Variants in HAUS6 observed in about 807,000 individuals in gnomAD.
The protein encoded by HAUS6 is HAUS augmin-like complex subunit 6.
In HAUS6, 80 loss-of-function variants were observed where a neutral mutation model predicts 106.8. The ratio of observed to expected loss-of-function variants is 0.75; its 90% confidence interval spans 0.63 to 0.90. HAUS6 has a LOEUF of 0.90. HAUS6 is among the 40% of genes least tolerant of loss of function. The pLI is 0.00. For missense variants in HAUS6, 1,155 were observed against 1,118.1 expected, an observed-to-expected ratio of 1.03 and a Z score of -0.47; for synonymous variants, 356 against 379.1, an observed-to-expected ratio of 0.94 and a Z score of 0.71.
At chr9:19,088,141 A>G (rs1002248010) in intron 5 of HAUS6, among the ~76,000 whole-genome samples, 4 of 152,202 alleles carry the variant, frequency 2.6e-5, no homozygotes, top group African/African-American at 9.6e-5. Context: ...CTGGTAGGGT[A>G]CAGTGGCTCA....
chr9:19,097,369 C>T (rs1057102869), intron 1 of HAUS6, among the ~76,000 whole-genome samples: 6 of 152,056 alleles, frequency 3.9e-5, no homozygotes, highest in Non-Finnish European at 8.8e-5. Context: ...GGGCTAATAT[C>T]CAGAATCTAA....
At chr9:19,060,276 T>C (rs1271560562) in intron 14 of HAUS6, 53 bp from the exon 15 acceptor site, 10 of 1,403,736 alleles carry the variant, frequency 7.1e-6, no homozygotes, top group African/African-American at 2.9e-5. Context: ...ATTGGTAGAA[T>C]GCAACAAAAC....
At chr9:19,087,603 C>A (rs937157016) in intron 5 of HAUS6, among the ~76,000 whole-genome samples, 1 of 152,158 alleles carries the variant, frequency 6.6e-6, no homozygotes, top group South Asian at 2.1e-4. Context: ...ACCTGTAATG[C>A]CTATATTTTG....
chr9:19,096,564 CAAAAAAAAAAAA>C lies in HAUS6; in HGVS notation c.224+98_224+109del, dbSNP rs370743421. 1.3e-4 allele frequency: 34 copies of C among 269,446 alleles called. 1 individual carries two copies. Among genetic ancestry groups the C allele is most frequent in the African/African-American group, 2.1e-4 (4 of 18,776 alleles). 16.7% of individuals were successfully genotyped at this position (269,446 alleles called of 1,614,324 possible). ...TCGATGACGGAGTGAGACTCCGTCTCAAAAAAAAAAAAAAAAAAAAAAAAAGGAGAGAATTCT... is the reference window on the plus strand; with the variant it reads ...TCGATGACGGAGTGAGACTCCGTCTCAAAAAAAAAAAAAGGAGAGAATTCT... On this transcript the variant is annotated intron_variant, in intron 2 of 16. Coordinates refer to ENST00000380502, the MANE Select transcript of HAUS6 (RefSeq NM_017645.5).
chr9:19,069,380 A>T (rs1395244124), intron 12 of HAUS6, among the ~76,000 whole-genome samples: 1 of 152,206 alleles, frequency 6.6e-6, no homozygotes, highest in Non-Finnish European at 1.5e-5. Flanking sequence ...TGGTAGAAAA[A>T]TATTGTCCAG....
intron 10 of HAUS6, among the ~76,000 whole-genome samples, 185 bp from the exon 11 acceptor site, chr9:19,076,889 G>A (rs530614834): frequency 1.3e-5 from 2 of 152,086 alleles, no homozygotes; most frequent in African/African-American, 4.8e-5. Context: ...CCTCGCCTAG[G>A]CTAAAGAGCA....
intron 15 of HAUS6, 37 bp downstream of exon 15, chr9:19,060,051 T>A: frequency 6.4e-7 from 1 of 1,551,130 alleles, no homozygotes; most frequent in Non-Finnish European, 8.8e-7. Context: ...GTTATGTCGA[T>A]GAAAGAAAAA....
chr9:19,087,212 G>C (rs1837319617), intron 5 of HAUS6, 56 bp from the exon 6 acceptor site: 10 of 942,548 alleles, frequency 1.1e-5, no homozygotes, highest in South Asian at 9.3e-5. Flanking sequence ...AATTAGTATA[G>C]CCCACTTCTC....
intron 7 of HAUS6, among the ~76,000 whole-genome samples, chr9:19,083,812 A>C (rs12338267): frequency 0.4 from 56,828 of 141,294 alleles, 11,428 homozygotes; most frequent in Non-Finnish European, 0.46. Flanking sequence ...AAAAAAAAAA[A>C]AAAAATTTTT....
chr9:19,094,055 G>C (rs550778906), intron 3 of HAUS6, among the ~76,000 whole-genome samples: 5 of 152,240 alleles, frequency 3.3e-5, no homozygotes, highest in African/African-American at 1.2e-4. Context: ...GGTTGGAAAA[G>C]TTTTCTTTAA....
At chr9:19,075,088 A>C (rs1836965445) in intron 11 of HAUS6, among the ~76,000 whole-genome samples, 1 of 152,236 alleles carries the variant, frequency 6.6e-6, no homozygotes, top group Non-Finnish European at 1.5e-5. Context: ...ACATGCCACA[A>C]CTTAGATGAA....
chr9:19,102,356 G>C (rs566828404), intron 1 of HAUS6, among the ~76,000 whole-genome samples, 168 bp downstream of exon 1: 1 of 152,234 alleles, frequency 6.6e-6, no homozygotes, highest in South Asian at 2.1e-4. Flanking sequence ...GTCTGTCTCT[G>C]CCCCTAGGCT....
At chr9:19,082,181 T>C (rs1837165526) in intron 8 of HAUS6, among the ~76,000 whole-genome samples, 5 of 152,198 alleles carry the variant, frequency 3.3e-5, no homozygotes, top group Admixed American at 2.6e-4. Flanking sequence ...TTAATGTTGC[T>C]TTACAAGCAA....
rs1396466412 is a variant in HAUS6 at position 19,054,229 on chromosome 9, G to A, written c.*2114C>T. On this transcript the variant is annotated 3_prime_UTR_variant, in exon 17 of 17. Coordinates refer to ENST00000380502, the MANE Select transcript of HAUS6 (RefSeq NM_017645.5). Reference sequence around the variant, plus strand: ...CAGTAAAAAAATGGGAGATTACAGCGGAAGGGGGAGTAGAGGAAATCCGTT... The same window carrying A: ...CAGTAAAAAAATGGGAGATTACAGCAGAAGGGGGAGTAGAGGAAATCCGTT... 3 of 152,288 alleles carry A rather than the reference G, an allele frequency of 2.0e-5. No homozygotes were observed. Among genetic ancestry groups the A allele is most frequent in the Admixed American group, 6.5e-5 (1 of 15,288 alleles). The allele number at this position is 152,288 out of a possible 1,614,324, so 9.4% of individuals were successfully genotyped here.
At chr9:19,094,621 G>A (rs7040525) in intron 2 of HAUS6, among the ~76,000 whole-genome samples, 11,846 of 152,016 alleles carry the variant, frequency 0.078, 513 homozygotes, top group East Asian at 0.11. Flanking sequence ...GAGAAATCCC[G>A]TCTCTATTAA....
chr9:19,060,648 G>C (rs889109047), intron 14 of HAUS6, among the ~76,000 whole-genome samples: 5 of 152,136 alleles, frequency 3.3e-5, no homozygotes, highest in Non-Finnish European at 7.4e-5. Context: ...TCTCTATTAA[G>C]AAACAGAATC....
intron 7 of HAUS6, among the ~76,000 whole-genome samples, chr9:19,083,445 T>C (rs1837209714): frequency 6.6e-6 from 1 of 151,986 alleles, no homozygotes; most frequent in Non-Finnish European, 1.5e-5. Context: ...ACAATTAGCA[T>C]TTTCTATATG....
In HAUS6 at chr9:19,059,658, G is replaced by C. The variant is rs142600846; in HGVS notation, c.1765+430C>G. 2.0e-3 allele frequency among the ~76,000 whole-genome samples: 299 copies of C among 152,276 alleles called. 2 individuals carry two copies. Among genetic ancestry groups the C allele is most frequent in the African/African-American group, 6.9e-3 (287 of 41,566 alleles). ...TACAGGTTATAGGAAAAAAGGTATT[G>C]GGCAGTTTGACTCATTTGGGAGGGG... On this transcript the variant is annotated intron_variant, in intron 15 of 16. Coordinates refer to ENST00000380502, the MANE Select transcript of HAUS6 (RefSeq NM_017645.5).
rs1694834401 is a variant in HAUS6, at chr9:19,060,147, G to C, written c.1706C>G (p.Ser569Cys). The change falls in exon 15 of 17, where the codon TCT (serine) becomes TGT (cysteine). Residue 569 changes from serine to cysteine, a missense_variant. By Grantham distance (112) the Ser-to-Cys change is moderately radical. This residue lies in a region of HAUS6 where 761 missense variants were observed against 690.0 expected (regional missense o/e 1.10). Coordinates refer to ENST00000380502, the MANE Select transcript of HAUS6 (RefSeq NM_017645.5). The part of the protein sequence containing the change: ...KEIKLEELID[S>C]LGSNPFLTRN... ...TGTTAAGAAGGGGTTAGAACCCAGA[G>C]AGTCAATTAGTTCCTCTAATTTTAT... 1.9e-6 allele frequency: 3 copies of C among 1,600,868 alleles called. No individual in the cohort carries two copies. The highest frequency in any genetic ancestry group is 2.2e-5 in the East Asian group (1 of 44,792).
Sources: allele counts gnomAD v4.1 joint callset (sites outside exome capture counted in the v4.1 genomes callset), GRCh38; gene constraint gnomAD v4.1.1; regional missense constraint gnomAD v4.1.1; transcripts MANE v1.5; gene names NCBI Gene and HGNC (gene_info 2026-07-23, HGNC 2026-07-21).